DNAH5: variants seen among roughly 807,000 people sequenced by gnomAD.
The protein encoded by DNAH5 is dynein axonemal heavy chain 5.
In DNAH5, 372 loss-of-function variants were observed where a neutral mutation model predicts 518.2. That is an observed-to-expected ratio of 0.72 (90% confidence interval 0.66 to 0.78). DNAH5 has a LOEUF of 0.78. DNAH5 is among the 30% of genes least tolerant of loss of function. The pLI is 0.00. For missense variants in DNAH5, 5,523 were observed against 5,687.0 expected, an observed-to-expected ratio of 0.97 and a Z score of 0.93; for synonymous variants, 2,039 against 2,025.9, an observed-to-expected ratio of 1.01 and a Z score of -0.17.
In DNAH5 at chr5:13,726,984, G is replaced by T. The variant is rs571378943; in HGVS notation, c.12033+523C>A. Among the ~76,000 whole-genome samples the T allele has an allele frequency of 8.5e-5, 13 of 152,302 alleles. No homozygotes were observed. In the East Asian group the frequency reaches 2.5e-3, roughly 29 times the overall value. On this transcript the variant is annotated intron_variant, in intron 70 of 78. Coordinates refer to ENST00000265104, the MANE Select transcript of DNAH5 (RefSeq NM_001369.3). ...AAACAGATGAATCATCTGGAGGCAG[G>T]ATTCACATTTAAACCATATGTGAAA...
intron 1 of DNAH5, among the ~76,000 whole-genome samples, chr5:14,006,723 T>C (rs1340101401): frequency 6.6e-6 from 1 of 152,240 alleles, no homozygotes; most frequent in Non-Finnish European, 1.5e-5. Context: ...GCACTTATGC[T>C]GTGGTACTTA....
At chr5:13,712,446 C>G (rs116034001) in intron 75 of DNAH5, among the ~76,000 whole-genome samples, 4,397 of 152,200 alleles carry the variant, frequency 0.029, 203 homozygotes, top group African/African-American at 0.096. Context: ...AAAGCAAATG[C>G]AATAACAACA....
rs754892386 is a variant in DNAH5, at chr5:13,751,201, G to A, written c.11088C>T (p.Thr3696=). Residue 3696 remains threonine, a synonymous_variant, in exon 65 of 79, where the codon ACC becomes ACT. Coordinates refer to ENST00000265104, the MANE Select transcript of DNAH5 (RefSeq NM_001369.3). Reference sequence around the variant, plus strand: ...GGGTGTAGGCTGGGTTAGGCAATTTGGTGGTAATGTAGAGTCTAAAGCCAT... The same window carrying A: ...GGGTGTAGGCTGGGTTAGGCAATTTAGTGGTAATGTAGAGTCTAAAGCCAT... ...VLDGFRLYIT[T]KLPNPAYTPE... 6.2e-7 allele frequency: 1 copy of A among 1,613,846 alleles called. No individual in the cohort carries two copies. Among genetic ancestry groups the A allele is most frequent in the South Asian group, 1.1e-5 (1 of 91,070 alleles).
intron 34 of DNAH5, among the ~76,000 whole-genome samples, chr5:13,840,282 T>C (rs1009276717): frequency 6.6e-6 from 1 of 152,228 alleles, no homozygotes; most frequent in Non-Finnish European, 1.5e-5. Flanking sequence ...CAGAAAATTA[T>C]TATGAGAATA....
intron 1 of DNAH5, among the ~76,000 whole-genome samples, chr5:14,005,719 A>G (rs1784681199): frequency 6.6e-6 from 1 of 152,274 alleles, no homozygotes. Context: ...GTTTGCATTT[A>G]AAATTCACAT....
chr5:13,824,085 G>T, intron 39 of DNAH5, 114 bp downstream of exon 39: 3 of 1,131,030 alleles, frequency 2.7e-6, no homozygotes, highest in Non-Finnish European at 4.0e-6. Context: ...CACTTTATCT[G>T]ACAATTAGGC....
In DNAH5 at chr5:13,920,473, A is replaced by G; in HGVS notation, c.798+7T>C. 2 of 1,614,132 alleles carry G rather than the reference A, an allele frequency of 1.2e-6. No individual in the cohort carries two copies. The highest frequency in any genetic ancestry group is 1.7e-6 in the Non-Finnish European group (2 of 1,180,002). Reference sequence around the variant, plus strand: ...CCTGAAATTGATGTTTGGTTTCTCAAAATTACCTGTTCTGTCTGTTTGATC... The same window carrying G: ...CCTGAAATTGATGTTTGGTTTCTCAGAATTACCTGTTCTGTCTGTTTGATC... On this transcript the variant is annotated splice_region_variant and intron_variant, in intron 6 of 78. Transcript: ENST00000265104.
chr5:13,876,234 A>T (rs1225860453), intron 22 of DNAH5, among the ~76,000 whole-genome samples: 1 of 152,188 alleles, frequency 6.6e-6, no homozygotes, highest in African/African-American at 2.4e-5. Flanking sequence ...TCTCAGTTTC[A>T]TCTAATTTCT....
chr5:13,704,094 G>A (rs1742472006), intron 76 of DNAH5, among the ~76,000 whole-genome samples: 1 of 152,198 alleles, frequency 6.6e-6, no homozygotes, highest in Non-Finnish European at 1.5e-5. Flanking sequence ...CAGCTGGTGA[G>A]GGGCATAAGG....
chr5:13,805,598 G>C (rs1759463923), intron 47 of DNAH5, among the ~76,000 whole-genome samples: 1 of 152,138 alleles, frequency 6.6e-6, no homozygotes, highest in African/African-American at 2.4e-5. Context: ...CCAAGGCTCA[G>C]GTGAGTGTCC....
At chr5:13,778,624 G>C (rs1033348625) in intron 53 of DNAH5, among the ~76,000 whole-genome samples, 4 of 150,930 alleles carry the variant, frequency 2.7e-5, no homozygotes, top group African/African-American at 9.7e-5. Flanking sequence ...AAGAAAGAAA[G>C]AAAAGAGGAA....
chr5:13,901,233 T>G lies in DNAH5; in HGVS notation c.2052+19A>C. 1.2e-6 allele frequency: 2 copies of G among 1,609,804 alleles called. No individual in the cohort carries two copies. The highest frequency in any genetic ancestry group is 1.7e-6 in the Non-Finnish European group (2 of 1,179,032). On this transcript the variant is annotated intron_variant, in intron 14 of 78. Transcript: ENST00000265104. ...CCCATGATTCCAACAATGGGAAGAG[T>G]ATAAATTTAGGGACTCACTTGCCGA...
intron 16 of DNAH5, among the ~76,000 whole-genome samples, chr5:13,893,623 AG>A (rs1192650036): frequency 2.0e-5 from 3 of 152,218 alleles, no homozygotes; most frequent in Admixed American, 2.0e-4. Context: ...CAATAAAAAA[AG>A]AAAAAAAATT....
intron 12 of DNAH5, 125 bp downstream of exon 12, chr5:13,911,261 T>C (rs1377250534): frequency 1.3e-6 from 1 of 746,220 alleles, no homozygotes; most frequent in African/African-American, 1.7e-5. Context: ...CAGGCTGAGG[T>C]TGCTATCGGT....
chr5:13,822,134 C>T (rs926084083), intron 40 of DNAH5, among the ~76,000 whole-genome samples: 1 of 151,980 alleles, frequency 6.6e-6, no homozygotes, highest in Non-Finnish European at 1.5e-5. Context: ...GAAGAAACCA[C>T]TTGCAGACAA....
At position 13,928,132 on chromosome 5, in the gene DNAH5, A is replaced by T; in HGVS notation, c.239T>A (p.Leu80His). Residue 80 changes from leucine (L) to histidine (H), a missense_variant, in exon 3 of 79, where the codon CTC becomes CAC. Leu to His is a moderately conservative substitution (Grantham distance 99). This residue lies in a region of DNAH5 where 5,121 missense variants were observed against 5,223.3 expected (regional missense o/e 0.98). Coordinates refer to ENST00000265104, the MANE Select transcript of DNAH5 (RefSeq NM_001369.3). ...CTCCACATCTTGATAGTAAAACATG[A>T]GGTGTCGGAGACCTCCAACAGCAAA... ...QLFAVGGLRH[L>H]MFYYQDVEEA... is the part of the protein sequence containing the mutation. The T allele has an allele frequency of 6.2e-7, 1 of 1,613,982 alleles. No individual in the cohort carries two copies. The highest frequency in any genetic ancestry group is 8.5e-7 in the Non-Finnish European group (1 of 1,179,870).
In DNAH5 at chr5:13,807,649, T is replaced by C. The variant is rs753050115; in HGVS notation, c.7829A>G (p.Glu2610Gly). ...IKGFMSKYDP[E>G]CHMIKSLNFS... ...ATTCAGACTCTTGATCATGTGACAT[T>C]CAGGATCATATTTTGACATAAATCC... The change falls in exon 47 of 79, where the codon GAA becomes GGA. Residue 2610 changes from glutamate to glycine, a missense_variant. Coordinates refer to ENST00000265104, the MANE Select transcript of DNAH5 (RefSeq NM_001369.3). 6.8e-6 allele frequency: 11 copies of C among 1,611,808 alleles called. No individual in the cohort carries two copies. The highest frequency in any genetic ancestry group is 9.3e-6 in the Non-Finnish European group (11 of 1,178,310).
At chr5:13,860,884 T>C (rs1768322932) in intron 29 of DNAH5, among the ~76,000 whole-genome samples, 1 of 152,212 alleles carries the variant, frequency 6.6e-6, no homozygotes, top group Non-Finnish European at 1.5e-5. Flanking sequence ...AGTCGTATTA[T>C]TGCATAAAAG....
chr5:13,768,913 G>A (rs1286335025), intron 58 of DNAH5, 47 bp downstream of exon 58: 1 of 1,595,932 alleles, frequency 6.3e-7, no homozygotes, highest in Admixed American at 1.7e-5. Context: ...GCATTAGTCT[G>A]CCTCTTAAGC....
Sources: allele counts gnomAD v4.1 joint callset (sites outside exome capture counted in the v4.1 genomes callset), GRCh38; gene constraint gnomAD v4.1.1; regional missense constraint gnomAD v4.1.1; transcripts MANE v1.5; gene names NCBI Gene and HGNC (gene_info 2026-07-23, HGNC 2026-07-21).